The following TTC1 variants were observed in gnomAD, a reference collection of about 807,000 sequenced individuals.
TTC1 encodes tetratricopeptide repeat domain 1, also known as tetratricopeptide repeat protein 1.
TTC1 carries 31 observed loss-of-function variants against 37.6 expected under a neutral mutation model. The ratio of observed to expected loss-of-function variants is 0.82; its 90% confidence interval spans 0.62 to 1.11. The LOEUF is 1.11. Among genes scored for constraint, TTC1 ranks in the 50% most tolerant of loss-of-function variants. TTC1 has a pLI of 0.00. For missense variants in TTC1, 351 were observed against 339.0 expected (o/e 1.04, Z -0.28); for synonymous variants, 127 against 122.4 (o/e 1.04, Z -0.25).
At chr5:160,030,963 C>T (rs1166515367) in intron 2 of TTC1, among the ~76,000 whole-genome samples, 1 of 152,116 alleles carries the variant, frequency 6.6e-6, no homozygotes, top group Non-Finnish European at 1.5e-5. Flanking sequence ...TGTGAATGCT[C>T]CTGGCACCTA....
chr5:160,035,092 C>T (rs1756979364), intron 2 of TTC1, 48 bp from the exon 3 acceptor site: 6 of 1,514,172 alleles, frequency 4.0e-6, no homozygotes, highest in South Asian at 1.3e-5. Context: ...TTTTTGTTCA[C>T]TTATAATAAT....
intron 2 of TTC1, among the ~76,000 whole-genome samples, chr5:160,020,823 G>T (rs1373134355): frequency 6.6e-6 from 1 of 152,150 alleles, no homozygotes; most frequent in Admixed American, 6.5e-5. Flanking sequence ...ATGGTGAATT[G>T]TATAACTATT....
intron 2 of TTC1, among the ~76,000 whole-genome samples, chr5:160,033,708 C>T (rs776917637): frequency 6.6e-6 from 1 of 152,176 alleles, no homozygotes; most frequent in Non-Finnish European, 1.5e-5. Context: ...TGAAAGTGAA[C>T]TCACTATCAT....
intron 2 of TTC1, among the ~76,000 whole-genome samples, chr5:160,020,388 T>A (rs1756683354): frequency 6.6e-6 from 1 of 152,228 alleles, no homozygotes; most frequent in Admixed American, 6.5e-5. Context: ...GTGCTGGGAT[T>A]ACAGGAATGA....
In TTC1 at chr5:160,064,126, C is replaced by A. The variant is rs140766831; in HGVS notation, c.746-806C>A. 6.8e-3 allele frequency among the ~76,000 whole-genome samples: 1,035 copies of A among 152,050 alleles called. 13 individuals carry two copies. The highest frequency in any genetic ancestry group is 0.024 in the African/African-American group (984 of 41,492). Reference sequence around the variant, plus strand: ...TGGGACTGTAGGCGTATGCCACCACCCTCAGCTGATTTTTGTATTTTTTGT... The same window carrying A: ...TGGGACTGTAGGCGTATGCCACCACACTCAGCTGATTTTTGTATTTTTTGT... On this transcript the variant is annotated intron_variant, in intron 7 of 7. Coordinates refer to ENST00000231238, the MANE Select transcript of TTC1 (RefSeq NM_003314.3).
intron 7 of TTC1, among the ~76,000 whole-genome samples, chr5:160,052,548 CA>C (rs557157232): frequency 1.0e-3 from 71 of 68,092 alleles, no homozygotes; most frequent in African/African-American, 1.7e-3. Context: ...TCTATTTTAG[CA>C]AAAAAAAAAA....
At chr5:160,027,446 A>G (rs1402987993) in intron 2 of TTC1, among the ~76,000 whole-genome samples, 2 of 152,208 alleles carry the variant, frequency 1.3e-5, no homozygotes, top group Non-Finnish European at 2.9e-5. Context: ...CATTTTATCA[A>G]TATATGTTGT....
intron 2 of TTC1, among the ~76,000 whole-genome samples, chr5:160,018,091 A>G (rs1270086198): frequency 1.3e-5 from 2 of 152,200 alleles, no homozygotes; most frequent in Non-Finnish European, 2.9e-5. Context: ...GATTAGAAGA[A>G]TTAGTATCCT....
At chr5:160,063,747 A>T (rs568313924) in intron 7 of TTC1, 37 of 152,296 alleles carry the variant, frequency 2.4e-4, no homozygotes, top group African/African-American at 8.7e-4. Context: ...AATTTTCTGG[A>T]ACATTCCTAG....
chr5:160,025,030 T>G (rs1453463473), intron 2 of TTC1, among the ~76,000 whole-genome samples: 3 of 152,130 alleles, frequency 2.0e-5, no homozygotes, highest in African/African-American at 7.2e-5. Context: ...TTTATTTTTT[T>G]GTTTTGTTTG....
At chr5:160,054,074 T>G (rs1341633577) in intron 7 of TTC1, among the ~76,000 whole-genome samples, 3 of 151,840 alleles carry the variant, frequency 2.0e-5, no homozygotes, top group Non-Finnish European at 4.4e-5. Context: ...GGGTTGGTTG[T>G]TTTTGTTTGT....
At chr5:160,052,547 G>GAAAA (rs1561638307) in intron 7 of TTC1, among the ~76,000 whole-genome samples, 3 of 6,586 alleles carry the variant, frequency 4.6e-4, no homozygotes, top group African/African-American at 7.2e-4. Flanking sequence ...CTCTATTTTA[G>GAAAA]CAAAAAAAAA....
At chr5:160,062,425 C>T (rs1270606663) in intron 7 of TTC1, among the ~76,000 whole-genome samples, 1 of 152,184 alleles carries the variant, frequency 6.6e-6, no homozygotes, top group South Asian at 2.1e-4. Context: ...GTAGCCTCTT[C>T]GTGCCACTGC....
chr5:160,040,336 G>C (rs1431376016), intron 4 of TTC1, among the ~76,000 whole-genome samples: 1 of 152,056 alleles, frequency 6.6e-6, no homozygotes, highest in African/African-American at 2.4e-5. Flanking sequence ...AATTGCTCTG[G>C]GTGAGTCAGT....
At chr5:160,018,534 C>T (rs569136466) in intron 2 of TTC1, among the ~76,000 whole-genome samples, 2 of 152,058 alleles carry the variant, frequency 1.3e-5, no homozygotes, top group East Asian at 3.9e-4. Flanking sequence ...TTGGCATGTT[C>T]AAGGAATGGA....
At chr5:160,050,973 T>TA (rs1236333745) in intron 6 of TTC1, among the ~76,000 whole-genome samples, 156 bp from the exon 7 acceptor site, 1 of 94,540 alleles carries the variant, frequency 1.1e-5, no homozygotes, top group Non-Finnish European at 2.2e-5. Flanking sequence ...CATAAATACT[T>TA]GGGGTTTTTT....
intron 7 of TTC1, among the ~76,000 whole-genome samples, chr5:160,055,295 A>G (rs1561639551): frequency 6.6e-6 from 1 of 152,204 alleles, no homozygotes; most frequent in Non-Finnish European, 1.5e-5. Context: ...ATCTCAGCTT[A>G]TTGAACTATA....
In TTC1 at chr5:160,052,236, G is replaced by A. The variant is rs558336780; in HGVS notation, c.745+1053G>A. Among the ~76,000 whole-genome samples, 11 of 151,800 alleles carry A rather than the reference G, an allele frequency of 7.2e-5. No individual in the cohort carries two copies. The South Asian group carries it at 2.0e-3, about 28-fold the overall frequency. On this transcript the variant is annotated intron_variant, in intron 7 of 7. Transcript: ENST00000231238. ...TATTTAATTAAACTTGGCCAGGCAC[G>A]GTGGCTCCTGTAATCCCAGCACTTT...
intron 2 of TTC1, among the ~76,000 whole-genome samples, chr5:160,016,055 T>C (rs1756598111): frequency 6.6e-6 from 1 of 152,236 alleles, no homozygotes; most frequent in Non-Finnish European, 1.5e-5. Context: ...TTTGTTGTTA[T>C]ATTTATGTAG....
Sources: gnomAD v4.1 joint callset for allele counts (sites outside exome capture counted in the v4.1 genomes callset) on GRCh38, gnomAD v4.1.1 for gene constraint, MANE v1.5 for transcripts, NCBI Gene and HGNC (gene_info 2026-07-23, HGNC 2026-07-21) for gene names.